NCALD: variants seen among roughly 807,000 people sequenced by gnomAD.
NCALD encodes neurocalcin-delta.
A neutral mutation model predicts 18.6 loss-of-function variants in NCALD; 10 were observed. The ratio of observed to expected loss-of-function variants is 0.54; its 90% CI spans 0.33 to 0.91. NCALD has a LOEUF of 0.91. Ranked by LOEUF, NCALD falls within the 40% of genes least tolerant of loss-of-function variation. The probability of loss-of-function intolerance (pLI) is 0.03; values close to 1 mark genes in which losing one functional copy is unlikely to be tolerated. For missense variants in NCALD, 184 were observed against 247.6 expected (o/e 0.74, Z 1.72); for synonymous variants, 88 against 87.4 (o/e 1.01, Z -0.04).
intron 1 of NCALD, among the ~76,000 whole-genome samples, chr8:101,728,573 C>A (rs1036552010): frequency 3.3e-5 from 5 of 152,194 alleles, no homozygotes; most frequent in African/African-American, 4.8e-5. Context: ...GTAATCCCAG[C>A]ACTTTGGGAG....
intron 4 of NCALD, among the ~76,000 whole-genome samples, chr8:101,840,524 A>T (rs370056523): frequency 2.0e-5 from 3 of 152,338 alleles, no homozygotes; most frequent in South Asian, 2.1e-4. Flanking sequence ...TGGAACCAAT[A>T]TCAAACATGA....
At chr8:101,694,620 T>C (rs911714837) in intron 2 of NCALD, among the ~76,000 whole-genome samples, 1 of 152,210 alleles carries the variant, frequency 6.6e-6, no homozygotes, top group East Asian at 1.9e-4. Context: ...TCTAGGATTA[T>C]GGGTGTCCCT....
At chr8:102,101,572 C>T (rs1825283950) in intron 1 of NCALD, among the ~76,000 whole-genome samples, 1 of 152,190 alleles carries the variant, frequency 6.6e-6, no homozygotes, top group Non-Finnish European at 1.5e-5. Context: ...CAACCATAAC[C>T]TTATTCTCGG....
chr8:101,690,733 T>G, intron 3 of NCALD: 1 of 985,472 alleles, frequency 1.0e-6, no homozygotes, highest in Non-Finnish European at 1.2e-6. Flanking sequence ...GCTGATCCCC[T>G]CCAAGCTCTG....
At chr8:101,813,059 T>G (rs1813365868) in intron 4 of NCALD, among the ~76,000 whole-genome samples, 1 of 152,150 alleles carries the variant, frequency 6.6e-6, no homozygotes, top group Non-Finnish European at 1.5e-5. Flanking sequence ...GGCAATGTGC[T>G]AGGCTGGGGG....
intron 4 of NCALD, among the ~76,000 whole-genome samples, chr8:101,825,247 C>T (rs913642855): frequency 1.2e-4 from 19 of 152,240 alleles, no homozygotes; most frequent in African/African-American, 4.3e-4. Context: ...AGGGATACTC[C>T]TGCACCTCCA....
At chr8:102,123,507 C>T (rs542319927) in intron 1 of NCALD, among the ~76,000 whole-genome samples, 1 of 152,040 alleles carries the variant, frequency 6.6e-6, no homozygotes, top group South Asian at 2.1e-4. Context: ...AGGGAGACCT[C>T]CTGCCCCTCC....
chr8:101,969,553 A>G (rs952977461), intron 2 of NCALD, among the ~76,000 whole-genome samples: 1 of 152,210 alleles, frequency 6.6e-6, no homozygotes, highest in African/African-American at 2.4e-5. Flanking sequence ...CTTTTAATGA[A>G]GACATAAGTA....
intron 2 of NCALD, among the ~76,000 whole-genome samples, chr8:101,713,085 C>T: frequency 6.6e-6 from 1 of 151,682 alleles, no homozygotes; most frequent in Non-Finnish European, 1.5e-5. Context: ...GTCTCTCAGA[C>T]CATAATGCAA....
At chr8:102,104,501 C>A (rs1400888686) in intron 1 of NCALD, among the ~76,000 whole-genome samples, 3 of 151,988 alleles carry the variant, frequency 2.0e-5, no homozygotes, top group Non-Finnish European at 4.4e-5. Context: ...AGAATTATAA[C>A]CTAAAAAAAC....
intron 1 of NCALD, among the ~76,000 whole-genome samples, chr8:102,104,527 C>T (rs543851904): frequency 1.3e-5 from 2 of 152,198 alleles, no homozygotes; most frequent in East Asian, 1.9e-4. Flanking sequence ...AGGATGTAGG[C>T]CTACCCCTGC....
At chr8:101,690,622 CCCTCCCCGCCAGAA>C in intron 3 of NCALD, 2 of 985,458 alleles carry the variant, frequency 2.0e-6, no homozygotes, top group Non-Finnish European at 2.4e-6. Context: ...AGCCACAACT[CCCTCCCCGCCAGAA>C]CCTAGTTCTT....
chr8:102,096,563 T>C (rs1349265204), intron 1 of NCALD, among the ~76,000 whole-genome samples: 2 of 152,216 alleles, frequency 1.3e-5, no homozygotes, highest in African/African-American at 2.4e-5. Context: ...GTACCTCTGA[T>C]TGGTTGATTT....
chr8:101,820,860 T>C (rs969703182), intron 4 of NCALD, among the ~76,000 whole-genome samples: 1 of 152,204 alleles, frequency 6.6e-6, no homozygotes, highest in African/African-American at 2.4e-5. Flanking sequence ...AACCATCTTC[T>C]AGTGCTTTCA....
intron 4 of NCALD, among the ~76,000 whole-genome samples, chr8:101,838,085 T>C (rs1159833774): frequency 6.6e-6 from 1 of 152,212 alleles, no homozygotes; most frequent in Non-Finnish European, 1.5e-5. Context: ...CTATTATTAA[T>C]ACAGTGTATT....
intron 1 of NCALD, among the ~76,000 whole-genome samples, chr8:101,781,995 C>T (rs150843831): frequency 0.027 from 4,132 of 150,916 alleles, 93 homozygotes; most frequent in Middle Eastern, 0.049. Context: ...CTGAACACAA[C>T]CTAATTTTTC....
At chr8:102,040,344 C>T (rs1169094919) in intron 1 of NCALD, among the ~76,000 whole-genome samples, 2 of 151,836 alleles carry the variant, frequency 1.3e-5, no homozygotes, top group Non-Finnish European at 2.9e-5. Context: ...CATGATGGTG[C>T]GTGCCTGTAA....
chr8:101,804,102 TTGC>T (rs1220695609), intron 4 of NCALD, among the ~76,000 whole-genome samples: 2 of 152,040 alleles, frequency 1.3e-5, no homozygotes, highest in African/African-American at 4.8e-5. Context: ...AGATTAGAAC[TTGC>T]TGAAGGCTCA....
intron 1 of NCALD, among the ~76,000 whole-genome samples, chr8:102,040,206 G>A (rs1481466122): frequency 6.6e-6 from 1 of 152,116 alleles, no homozygotes; most frequent in East Asian, 1.9e-4. Context: ...AAACAGACCA[G>A]CAAAGAAAAA....
Sources: allele counts gnomAD v4.1 joint callset (sites outside exome capture counted in the v4.1 genomes callset), GRCh38; gene constraint gnomAD v4.1.1; transcripts MANE v1.5; gene names NCBI Gene and HGNC (gene_info 2026-07-23, HGNC 2026-07-21).